Variants in SLC24A3 observed in about 807,000 individuals in gnomAD.
SLC24A3 encodes sodium/potassium/calcium exchanger 3.
A neutral mutation model predicts 75.8 loss-of-function variants in SLC24A3; 28 were observed. That is an observed-to-expected ratio of 0.37 (90% CI 0.27 to 0.51). The LOEUF (loss-of-function observed/expected upper bound fraction) is 0.51, where lower values mean the gene tolerates loss of function less well. SLC24A3 is among the 20% of genes least tolerant of loss of function. The pLI is 0.94. For synonymous variants in SLC24A3, 372 were observed against 334.1 expected (o/e 1.11, Z -1.24); for missense variants, 663 against 847.8 (o/e 0.78, Z 2.71).
At chr20:19,242,839 A>G (rs1396729341) in intron 1 of SLC24A3, among the ~76,000 whole-genome samples, 1 of 152,210 alleles carries the variant, frequency 6.6e-6, no homozygotes, top group African/African-American at 2.4e-5. Context: ...GCATGTATAG[A>G]TAATTATTTT....
chr20:19,534,100 C>CAT (rs2030352730), intron 3 of SLC24A3, among the ~76,000 whole-genome samples: 2 of 152,372 alleles, frequency 1.3e-5, no homozygotes, highest in East Asian at 3.9e-4. Flanking sequence ...AGAATCCCCA[C>CAT]ATATATTGAT....
chr20:19,354,541 A>G (rs1178458553), intron 2 of SLC24A3, among the ~76,000 whole-genome samples: 1 of 152,120 alleles, frequency 6.6e-6, no homozygotes, highest in Non-Finnish European at 1.5e-5. Flanking sequence ...CATGCCCAAC[A>G]CATAGCAAAT....
intron 1 of SLC24A3, among the ~76,000 whole-genome samples, chr20:19,216,535 GA>G (rs1981560687): frequency 6.6e-6 from 1 of 152,008 alleles, no homozygotes; most frequent in African/African-American, 2.4e-5. Flanking sequence ...TTTGAGCCCA[GA>G]AGACTGAGGT....
chr20:19,348,492 G>C (rs961241546), intron 2 of SLC24A3, among the ~76,000 whole-genome samples: 4 of 151,962 alleles, frequency 2.6e-5, no homozygotes, highest in African/African-American at 9.7e-5. Context: ...AAGCATATTC[G>C]GCCTCTCCCC....
At chr20:19,652,935 G>A (rs2032224654) in intron 6 of SLC24A3, among the ~76,000 whole-genome samples, 1 of 152,170 alleles carries the variant, frequency 6.6e-6, no homozygotes, top group South Asian at 2.1e-4. Context: ...AAGGTAGCCA[G>A]GCAAACATCC....
Position 19,219,879 on chromosome 20 carries a change from G to A in SLC24A3, c.142+6895G>A, listed in dbSNP as rs543787939. Among the ~76,000 whole-genome samples the A allele has an allele frequency of 7.2e-5, 11 of 152,334 alleles. No homozygotes were observed. In the East Asian group the frequency reaches 1.9e-3, roughly 27 times the overall value. On this transcript the variant is annotated intron_variant, in intron 1 of 16. Transcript: ENST00000328041. ...AGCTGTTCTGGTTCACTTCAGAGGA[G>A]GTTGTCAGATGGCACTCCAGACACT...
At chr20:19,652,665 G>A (rs1414330483) in intron 6 of SLC24A3, among the ~76,000 whole-genome samples, 2 of 152,210 alleles carry the variant, frequency 1.3e-5, no homozygotes, top group South Asian at 2.1e-4. Context: ...TGCGTTAATG[G>A]AAAGAGACTG....
At chr20:19,462,524 C>T (rs1189530652) in intron 2 of SLC24A3, among the ~76,000 whole-genome samples, 1 of 152,164 alleles carries the variant, frequency 6.6e-6, no homozygotes. Context: ...TGGGAGAAAG[C>T]CCCAAAACTC....
intron 6 of SLC24A3, among the ~76,000 whole-genome samples, chr20:19,648,346 A>T (rs1427521536): frequency 6.6e-6 from 1 of 152,192 alleles, no homozygotes. Flanking sequence ...GATTTCTCAA[A>T]TCCCTTTTCC....
At chr20:19,382,363 A>G (rs1414552141) in intron 2 of SLC24A3, among the ~76,000 whole-genome samples, 1 of 152,234 alleles carries the variant, frequency 6.6e-6, no homozygotes, top group African/African-American at 2.4e-5. Context: ...TTGAAGCTGT[A>G]TCAGAATTAG....
At chr20:19,578,010 T>C (rs2031165518) in intron 3 of SLC24A3, among the ~76,000 whole-genome samples, 1 of 152,162 alleles carries the variant, frequency 6.6e-6, no homozygotes, top group South Asian at 2.1e-4. Context: ...AGACCAAACA[T>C]ATATGTGAAA....
At chr20:19,464,679 T>A (rs1987735692) in intron 2 of SLC24A3, among the ~76,000 whole-genome samples, 1 of 152,200 alleles carries the variant, frequency 6.6e-6, no homozygotes, top group Admixed American at 6.5e-5. Context: ...ACATACAGAG[T>A]ACATTTGTCT....
At chr20:19,456,530 C>T (rs1455301795) in intron 2 of SLC24A3, among the ~76,000 whole-genome samples, 1 of 152,228 alleles carries the variant, frequency 6.6e-6, no homozygotes, top group Non-Finnish European at 1.5e-5. Flanking sequence ...CCATGTGGAA[C>T]TGTAAGTCCA....
intron 2 of SLC24A3, among the ~76,000 whole-genome samples, chr20:19,385,772 G>A (rs1033451394): frequency 2.0e-5 from 3 of 151,818 alleles, no homozygotes; most frequent in Non-Finnish European, 2.9e-5. Context: ...CTTGCAAGTA[G>A]CTGGGACTAG....
intron 3 of SLC24A3, among the ~76,000 whole-genome samples, chr20:19,561,992 C>T (rs2030881213): frequency 1.3e-5 from 2 of 152,056 alleles, no homozygotes; most frequent in Non-Finnish European, 2.9e-5. Flanking sequence ...AGAGAACTGC[C>T]AAAACTCAAA....
At chr20:19,701,466 G>A (rs148311147) in intron 15 of SLC24A3, among the ~76,000 whole-genome samples, 4 of 152,294 alleles carry the variant, frequency 2.6e-5, no homozygotes, top group African/African-American at 9.6e-5. Context: ...GTCTTCTCTT[G>A]TTATCAAGAA....
chr20:19,460,996 A>G (rs1987660703), intron 2 of SLC24A3, among the ~76,000 whole-genome samples: 1 of 152,156 alleles, frequency 6.6e-6, no homozygotes, highest in Non-Finnish European at 1.5e-5. Context: ...TTTTAAAGCT[A>G]AGCAGTTTTA....
intron 4 of SLC24A3, among the ~76,000 whole-genome samples, chr20:19,583,731 T>C (rs1440013799): frequency 6.6e-6 from 1 of 152,202 alleles, no homozygotes; most frequent in Non-Finnish European, 1.5e-5. Flanking sequence ...CTGCGAGCTG[T>C]GTCAGGCTAC....
At chr20:19,651,631 A>C (rs907319463) in intron 6 of SLC24A3, among the ~76,000 whole-genome samples, 2 of 151,920 alleles carry the variant, frequency 1.3e-5, no homozygotes, top group Non-Finnish European at 2.9e-5. Context: ...AGGCCGAGGC[A>C]GGTGGATCAC....
Sources: allele counts gnomAD v4.1 joint callset (sites outside exome capture counted in the v4.1 genomes callset), GRCh38; gene constraint gnomAD v4.1.1; transcripts MANE v1.5; gene names NCBI Gene and HGNC (gene_info 2026-07-23, HGNC 2026-07-21).